The following VKORC1L1 variants were observed in gnomAD, a reference collection of about 807,000 sequenced individuals.
VKORC1L1 encodes the protein vitamin K epoxide reductase complex subunit 1L1.
In VKORC1L1, 2 loss-of-function variants were observed where a neutral mutation model predicts 18.9. The observed-to-expected ratio is 0.11, with a 90% CI of 0.04 to 0.33. The LOEUF is 0.33. Ranked by LOEUF, VKORC1L1 falls within the 10% of genes least tolerant of loss-of-function variation. The pLI is 1.00. For missense variants in VKORC1L1, 123 were observed against 224.1 expected (o/e 0.55, Z 2.88); for synonymous variants, 96 against 100.0 (o/e 0.96, Z 0.24).
intron 1 of VKORC1L1, among the ~76,000 whole-genome samples, chr7:65,881,616 C>T (rs1788928813): frequency 6.6e-6 from 1 of 151,842 alleles, no homozygotes; most frequent in Non-Finnish European, 1.5e-5. Context: ...TTCATACAAC[C>T]ACACACACAC....
At position 65,954,035 on chromosome 7, in the gene VKORC1L1, C is replaced by G. The variant is rs1165573887; in HGVS notation, c.305-39C>G. On this transcript the variant is annotated intron_variant, in intron 2 of 2. Transcript: ENST00000360768. Reference sequence around the variant, plus strand: ...TGTCACTCAGAAAGCCTCTCTCCAGCACCAAGGCCTGACTGAGCCTGCGTC... The same window carrying G: ...TGTCACTCAGAAAGCCTCTCTCCAGGACCAAGGCCTGACTGAGCCTGCGTC... The G allele has an allele frequency of 1.9e-6, 3 of 1,548,162 alleles. No homozygotes were observed. The African/African-American group carries it at 4.1e-5, about 21-fold the overall frequency.
At chr7:65,908,984 T>TA (rs1429950406) in intron 1 of VKORC1L1, among the ~76,000 whole-genome samples, 1 of 150,172 alleles carries the variant, frequency 6.7e-6, no homozygotes, top group African/African-American at 2.4e-5. Flanking sequence ...ATCAATACAA[T>TA]ACAGGCTGGG....
At position 65,957,021 on chromosome 7, in the gene VKORC1L1, T is replaced by G. The variant is rs1349481059; in HGVS notation, c.*2721T>G. On this transcript the variant is annotated 3_prime_UTR_variant, in exon 3 of 3. Transcript: ENST00000360768. ...TCTAGGTGATTTGGAGGATTTCATT[T>G]GTTTTGCATTACAGCTAGTTGCTCT... 1 of 152,236 alleles carries G rather than the reference T, an allele frequency of 6.6e-6. No individual in the cohort carries two copies. Among genetic ancestry groups the G allele is most frequent in the African/African-American group, 2.4e-5 (1 of 41,474 alleles). The allele number at this position is 152,236 out of a possible 1,614,324, so 9.4% of individuals were successfully genotyped here. A position where few individuals can be genotyped will look rare whatever the true frequency, so the allele number is the denominator to read the frequency against.
intron 1 of VKORC1L1, among the ~76,000 whole-genome samples, chr7:65,909,855 T>G (rs1407674289): frequency 6.6e-6 from 1 of 151,932 alleles, no homozygotes; most frequent in Non-Finnish European, 1.5e-5. Context: ...GTAGCTGGGA[T>G]TACAGGCATG....
intron 1 of VKORC1L1, among the ~76,000 whole-genome samples, chr7:65,891,344 T>TA (rs1159991035): frequency 6.6e-6 from 1 of 152,182 alleles, no homozygotes; most frequent in Non-Finnish European, 1.5e-5. Flanking sequence ...TTAACTTTAT[T>TA]AGAAACAACA....
At chr7:65,941,844 A>G (rs1036509294) in intron 1 of VKORC1L1, among the ~76,000 whole-genome samples, 8 of 151,736 alleles carry the variant, frequency 5.3e-5, no homozygotes, top group Non-Finnish European at 1.2e-4. Flanking sequence ...GTATTTGAGT[A>G]GAGATGGGAT....
chr7:65,943,948 T>C (rs534648105), intron 1 of VKORC1L1, among the ~76,000 whole-genome samples: 8 of 152,230 alleles, frequency 5.3e-5, no homozygotes, highest in African/African-American at 1.9e-4. Flanking sequence ...TTCCAAAATA[T>C]CAATAACAAA....
intron 1 of VKORC1L1, among the ~76,000 whole-genome samples, chr7:65,898,085 T>TG (rs1450296086): frequency 4.9e-5 from 5 of 102,416 alleles, no homozygotes; most frequent in Non-Finnish European, 1.0e-4. Context: ...AGGTTTTTTT[T>TG]TTTTTTTTTT....
At chr7:65,941,080 G>A (rs1250424859) in intron 1 of VKORC1L1, among the ~76,000 whole-genome samples, 1 of 152,024 alleles carries the variant, frequency 6.6e-6, no homozygotes, top group African/African-American at 2.4e-5. Context: ...ATTGCATTGG[G>A]GCACAGACAG....
chr7:65,950,537 C>T (rs898942549), intron 2 of VKORC1L1, among the ~76,000 whole-genome samples: 5 of 151,976 alleles, frequency 3.3e-5, no homozygotes, highest in Non-Finnish European at 5.9e-5. Context: ...GTAGTTCTGT[C>T]GAGTTTGCCC....
chr7:65,878,275 T>C (rs1435506363), intron 1 of VKORC1L1, among the ~76,000 whole-genome samples: 3 of 151,728 alleles, frequency 2.0e-5, no homozygotes, highest in African/African-American at 7.3e-5. Flanking sequence ...GTGAAACCCC[T>C]TGTCTACTAA....
At chr7:65,934,592 A>G (rs571394236) in intron 1 of VKORC1L1, among the ~76,000 whole-genome samples, 3 of 152,110 alleles carry the variant, frequency 2.0e-5, no homozygotes, top group Non-Finnish European at 4.4e-5. Context: ...TATGAGTTCA[A>G]TTGTCTTAGT....
intron 1 of VKORC1L1, among the ~76,000 whole-genome samples, chr7:65,906,868 G>A (rs76926683): frequency 0.033 from 5,006 of 152,234 alleles, 133 homozygotes; most frequent in East Asian, 0.09. Context: ...TATAACCTGG[G>A]ATGGGTAAAA....
At chr7:65,902,818 G>A (rs1789340958) in intron 1 of VKORC1L1, among the ~76,000 whole-genome samples, 1 of 151,898 alleles carries the variant, frequency 6.6e-6, no homozygotes. Context: ...CAGAAATTTA[G>A]CAAATCAAAA....
At chr7:65,896,146 C>G (rs900104790) in intron 1 of VKORC1L1, among the ~76,000 whole-genome samples, 1 of 150,138 alleles carries the variant, frequency 6.7e-6, no homozygotes, top group African/African-American at 2.5e-5. Flanking sequence ...TCAAGTGATT[C>G]ACTCGCCTCA....
chr7:65,913,193 TATATATC>T (rs1363714869), intron 1 of VKORC1L1, among the ~76,000 whole-genome samples: 1 of 152,196 alleles, frequency 6.6e-6, no homozygotes, highest in African/African-American at 2.4e-5. Flanking sequence ...TTTTATGAAA[TATATATC>T]ATATTCTTAA....
At chr7:65,888,196 T>C (rs1183897574) in intron 1 of VKORC1L1, among the ~76,000 whole-genome samples, 2 of 152,194 alleles carry the variant, frequency 1.3e-5, no homozygotes, top group African/African-American at 4.8e-5. Flanking sequence ...ATCAAAATTG[T>C]CTGCAATCTA....
Position 65,892,359 on chromosome 7 carries a change from G to A in VKORC1L1, c.194+18794G>A, listed in dbSNP as rs1276648869. The stretch of plus-strand genomic sequence containing the variant: ...TCTATTTTTAGTTTTTTTGAGGAAC[G>A]TCCACATAGTGATTGTACTAATTTA... On this transcript the variant is annotated intron_variant, in intron 1 of 2. Coordinates refer to ENST00000360768, the MANE Select transcript of VKORC1L1 (RefSeq NM_173517.6). Among the ~76,000 whole-genome samples, 3 of 152,106 alleles carry A rather than the reference G, an allele frequency of 2.0e-5. No individual in the cohort carries two copies. The South Asian group carries it at 6.2e-4, about 31-fold the overall frequency.
Position 65,954,454 on chromosome 7 carries a change from G to C in VKORC1L1, c.*154G>C. 1 of 1,262,246 alleles carries C rather than the reference G, an allele frequency of 7.9e-7. No homozygotes were observed. The highest frequency in any genetic ancestry group is 1.0e-6 in the Non-Finnish European group (1 of 960,524). The allele number at this position is 1,262,246 out of a possible 1,614,324, so 78.2% of individuals were successfully genotyped here. A position where few individuals can be genotyped will look rare whatever the true frequency, so the allele number is the denominator to read the frequency against. On this transcript the variant is annotated 3_prime_UTR_variant, in exon 3 of 3. Transcript: ENST00000360768. ...TTTTAAAAATCCGGTAAATTAGAAG[G>C]GGCCCTCGCTATTTTCTGTGTCAGT...
Sources: gnomAD v4.1 joint callset for allele counts (sites outside exome capture counted in the v4.1 genomes callset) on GRCh38, gnomAD v4.1.1 for gene constraint, MANE v1.5 for transcripts, NCBI Gene and HGNC (gene_info 2026-07-23, HGNC 2026-07-21) for gene names.